The following CHM variants were observed in gnomAD, a reference collection of about 807,000 sequenced individuals.
CHM encodes the protein CHM Rab escort protein.
In CHM, 10 loss-of-function variants were observed where a neutral mutation model predicts 49.0. The observed-to-expected ratio is 0.20, with a 90% CI of 0.13 to 0.35. CHM has a LOEUF of 0.35. CHM is among the 10% of genes least tolerant of loss of function. CHM has a pLI of 1.00. For missense variants in CHM, 455 were observed against 478.4 expected (o/e 0.95, Z 0.46); for synonymous variants, 184 against 167.5 (o/e 1.10, Z -0.76).
At chrX:86,035,458 G>A (rs1934196851) in intron 1 of CHM, among the ~76,000 whole-genome samples, 2 of 111,178 alleles carry the variant, frequency 1.8e-5, no homozygotes, top group Admixed American at 1.9e-4. Context: ...TAGAGAACAG[G>A]AACATTTTGA....
chrX:85,923,541 G>C (rs769140303), intron 8 of CHM, among the ~76,000 whole-genome samples: 3 of 111,914 alleles, frequency 2.7e-5, no homozygotes, highest in African/African-American at 9.7e-5. Context: ...TAATGCTGAT[G>C]GCAACAAGCA....
intron 14 of CHM, among the ~76,000 whole-genome samples, chrX:85,870,189 C>T (rs996082534): frequency 9.0e-6 from 1 of 111,665 alleles, no homozygotes; most frequent in East Asian, 2.8e-4. Flanking sequence ...AAATACTTAT[C>T]TCATAAGATT....
At chrX:85,873,926 C>G (rs781567820) in intron 13 of CHM, among the ~76,000 whole-genome samples, 6 of 111,452 alleles carry the variant, frequency 5.4e-5, no homozygotes, top group Non-Finnish European at 1.1e-4. Context: ...AAAATGAAGT[C>G]ATAACAGTGA....
intron 12 of CHM, among the ~76,000 whole-genome samples, chrX:85,887,925 G>C (rs1461469007): frequency 8.9e-6 from 1 of 111,799 alleles, no homozygotes; most frequent in East Asian, 2.8e-4. Context: ...TGCTGTTAAA[G>C]GCATCCGGTT....
intron 2 of CHM, among the ~76,000 whole-genome samples, chrX:86,026,561 A>G (rs771694923): frequency 8.9e-6 from 1 of 111,776 alleles, no homozygotes; most frequent in East Asian, 2.8e-4. Context: ...ACGTGTATGA[A>G]AACTGAATCC....
At chrX:85,980,887 T>C (rs1212347231) in intron 3 of CHM, among the ~76,000 whole-genome samples, 1 of 111,141 alleles carries the variant, frequency 9.0e-6, no homozygotes, top group Non-Finnish European at 1.9e-5. Flanking sequence ...ACTTAATTCA[T>C]ACTAAATTTC....
chrX:85,867,358 C>A (rs1603232002), intron 14 of CHM, among the ~76,000 whole-genome samples: 1 of 111,734 alleles, frequency 8.9e-6, no homozygotes, highest in Non-Finnish European at 1.9e-5. Flanking sequence ...TTTCCTTAGG[C>A]CTCCCCAGCT....
chrX:86,036,118 T>G (rs1934234796), intron 1 of CHM, among the ~76,000 whole-genome samples: 1 of 110,912 alleles, frequency 9.0e-6, no homozygotes, highest in Non-Finnish European at 1.9e-5. Context: ...TTGAAGAGAT[T>G]TATTCTGAGC....
intron 4 of CHM, among the ~76,000 whole-genome samples, chrX:85,973,241 A>G (rs1678036375): frequency 1.1e-5 from 1 of 93,890 alleles, no homozygotes; most frequent in Non-Finnish European, 2.1e-5. Context: ...AGAGGTTGCA[A>G]TGAACCGAGA....
At position 85,957,763 on chromosome X, in the gene CHM, C is replaced by G. The variant is rs1422911578; in HGVS notation, c.940+92G>C. 1.4e-5 allele frequency: 15 copies of G among 1,077,426 alleles called. No homozygotes were observed. In the South Asian group the frequency reaches 3.2e-4, roughly 23 times the overall value. The allele number at this position is 1,077,426 out of a possible 1,213,427, so 88.8% of individuals were successfully genotyped here. On this transcript the variant is annotated intron_variant, in intron 7 of 14. Transcript: ENST00000357749. ...TGCAGAGTTAGAATGCATTTTAAAACAGTAATAAGTGGCTCACTAAATCAG... is the reference window on the plus strand; with the variant it reads ...TGCAGAGTTAGAATGCATTTTAAAAGAGTAATAAGTGGCTCACTAAATCAG...
intron 2 of CHM, among the ~76,000 whole-genome samples, chrX:85,998,413 C>T (rs1445755627): frequency 1.8e-5 from 2 of 111,311 alleles, no homozygotes; most frequent in African/African-American, 3.3e-5. Context: ...GGAAGGATAA[C>T]ACATATTTTT....
chrX:85,870,941 C>T (rs1924015000), intron 14 of CHM, among the ~76,000 whole-genome samples: 1 of 110,779 alleles, frequency 9.0e-6, no homozygotes, highest in South Asian at 3.9e-4. Flanking sequence ...CATTACTCAA[C>T]CTCTATACAT....
At chrX:86,031,513 T>C (rs1468599144) in intron 1 of CHM, among the ~76,000 whole-genome samples, 1 of 112,359 alleles carries the variant, frequency 8.9e-6, no homozygotes, top group Non-Finnish European at 1.9e-5. Flanking sequence ...GATAAACTTG[T>C]ATAAAACTGG....
intron 1 of CHM, among the ~76,000 whole-genome samples, chrX:86,042,953 G>A (rs1468946738): frequency 1.8e-5 from 2 of 111,738 alleles, no homozygotes; most frequent in African/African-American, 3.3e-5. Flanking sequence ...CTCCGACAAC[G>A]AGGATAACAT....
chrX:85,864,945 T>A, intron 14 of CHM, 124 bp from the exon 15 acceptor site: 1 of 596,697 alleles, frequency 1.7e-6, no homozygotes, highest in Non-Finnish European at 2.7e-6. Flanking sequence ...CAGGCTACAG[T>A]ACTTAATCAG....
intron 8 of CHM, among the ~76,000 whole-genome samples, chrX:85,927,965 T>C (rs927914718): frequency 1.7e-4 from 19 of 112,599 alleles, no homozygotes; most frequent in African/African-American, 5.8e-4. Flanking sequence ...AGTTTGTATA[T>C]AATTTGATTA....
intron 2 of CHM, among the ~76,000 whole-genome samples, chrX:86,002,093 G>A (rs757357971): frequency 8.9e-6 from 1 of 111,762 alleles, no homozygotes; most frequent in South Asian, 3.8e-4. Flanking sequence ...ATTATGACTA[G>A]TTTTTGTCCA....
intron 11 of CHM, 145 bp from the exon 12 acceptor site, chrX:85,894,429 G>T (rs1041815679): frequency 2.3e-6 from 1 of 435,463 alleles, no homozygotes; most frequent in Non-Finnish European, 4.0e-6. Context: ...ATTTAATTTT[G>T]GAACAGAATT....
intron 2 of CHM, among the ~76,000 whole-genome samples, chrX:85,992,056 TCCACTAA>T (rs1401923105): frequency 9.0e-6 from 1 of 111,537 alleles, no homozygotes; most frequent in Non-Finnish European, 1.9e-5. Flanking sequence ...CTCTGCTCTT[TCCACTAA>T]ATACACTGTC....
Sources: gnomAD v4.1 joint callset for allele counts (sites outside exome capture counted in the v4.1 genomes callset) on GRCh38, gnomAD v4.1.1 for gene constraint, MANE v1.5 for transcripts, NCBI Gene and HGNC (gene_info 2026-07-23, HGNC 2026-07-21) for gene names.